The following PKIA variants were observed in gnomAD, a reference collection of about 807,000 sequenced individuals.
The protein encoded by PKIA is PKI-alpha.
PKIA carries 4 observed loss-of-function variants against 7.6 expected under a neutral mutation model. The observed-to-expected ratio is 0.52, with a 90% CI of 0.26 to 1.20. The LOEUF is 1.20. PKIA is among the 50% of genes most tolerant of loss of function. PKIA has a pLI of 0.13. For synonymous variants in PKIA, 21 were observed against 30.7 expected (o/e 0.68, Z 1.04); for missense variants, 73 against 86.2 (o/e 0.85, Z 0.61).
intron 1 of PKIA, among the ~76,000 whole-genome samples, chr8:78,522,659 AT>A (rs979688047): frequency 6.6e-6 from 1 of 151,880 alleles, no homozygotes; most frequent in Non-Finnish European, 1.5e-5. Flanking sequence ...TCAATCATGC[AT>A]TTTTTTATCA....
At chr8:78,534,878 G>A (rs969313522) in intron 1 of PKIA, 2 of 152,122 alleles carry the variant, frequency 1.3e-5, no homozygotes, top group African/African-American at 4.8e-5. Context: ...AGAAGTTAGT[G>A]AGCAGTTCAT....
intron 2 of PKIA, among the ~76,000 whole-genome samples, chr8:78,593,995 T>C (rs557410731): frequency 6.6e-6 from 1 of 152,236 alleles, no homozygotes; most frequent in Non-Finnish European, 1.5e-5. Flanking sequence ...CTATTTAACA[T>C]ATTCTTATTT....
intron 2 of PKIA, among the ~76,000 whole-genome samples, chr8:78,576,229 C>A (rs1047073771): frequency 2.9e-4 from 44 of 152,070 alleles, no homozygotes; most frequent in African/African-American, 9.9e-4. Flanking sequence ...CCCTAATTAC[C>A]AATAGGTTGA....
intron 3 of PKIA, among the ~76,000 whole-genome samples, chr8:78,599,705 A>C (rs1231142999): frequency 6.6e-6 from 1 of 152,054 alleles, no homozygotes; most frequent in African/African-American, 2.4e-5. Flanking sequence ...GAATTATTCC[A>C]ATTTCATAAC....
intron 1 of PKIA, among the ~76,000 whole-genome samples, chr8:78,566,542 C>A (rs1807418110): frequency 6.6e-6 from 1 of 152,008 alleles, no homozygotes. Context: ...TCATTGGCAA[C>A]CACGAGTGCC....
chr8:78,600,762 A>G (rs1808333153), intron 3 of PKIA, among the ~76,000 whole-genome samples: 1 of 152,028 alleles, frequency 6.6e-6, no homozygotes, highest in African/African-American at 2.4e-5. Context: ...TAATTTCCCT[A>G]AAGATTTAAT....
At chr8:78,553,344 G>C (rs1807035252) in intron 1 of PKIA, among the ~76,000 whole-genome samples, 1 of 151,874 alleles carries the variant, frequency 6.6e-6, no homozygotes, top group Admixed American at 6.6e-5. Context: ...TCCTATTTCT[G>C]GCTTTATCAA....
intron 1 of PKIA, among the ~76,000 whole-genome samples, chr8:78,530,267 A>G (rs1034380135): frequency 2.0e-5 from 3 of 152,042 alleles, no homozygotes; most frequent in Admixed American, 1.3e-4. Flanking sequence ...CTTAATCAGT[A>G]TACACAATTA....
chr8:78,593,603 A>C (rs182853288), intron 2 of PKIA, among the ~76,000 whole-genome samples: 1 of 152,334 alleles, frequency 6.6e-6, no homozygotes, highest in African/African-American at 2.4e-5. Flanking sequence ...TGTGTTGGTT[A>C]ATGGTAATGC....
chr8:78,524,890 A>G (rs182007165), intron 1 of PKIA, among the ~76,000 whole-genome samples: 19 of 152,110 alleles, frequency 1.2e-4, no homozygotes, highest in South Asian at 6.2e-4. Context: ...GGAGATTACA[A>G]AACATTAGTT....
chr8:78,563,305 A>T (rs1233565309), intron 1 of PKIA, among the ~76,000 whole-genome samples: 1 of 152,124 alleles, frequency 6.6e-6, no homozygotes, highest in Non-Finnish European at 1.5e-5. Flanking sequence ...CACATTAATA[A>T]AGCTCTTAGA....
At position 78,602,546 on chromosome 8, in the gene PKIA, A is replaced by T. The variant is rs2130300320; in HGVS notation, c.*725A>T. 6.6e-6 allele frequency: 1 copy of T among 152,402 alleles called. No homozygotes were observed. Among genetic ancestry groups the T allele is most frequent in the Middle Eastern group, 3.4e-3 (1 of 294 alleles). 9.4% of individuals were successfully genotyped at this position (152,402 alleles called of 1,614,324 possible). A position where few individuals can be genotyped will look rare whatever the true frequency, so the allele number is the denominator to read the frequency against. On this transcript the variant is annotated 3_prime_UTR_variant, in exon 4 of 4. Transcript: ENST00000396418. ...TGAGTTGATTAAGTCTAACAGATTC[A>T]TCAAGACTCCATTGCTTTATTATAG...
chr8:78,516,673 G>GA (rs953014613), intron 1 of PKIA, among the ~76,000 whole-genome samples: 7 of 152,334 alleles, frequency 4.6e-5, no homozygotes, highest in African/African-American at 1.7e-4. Flanking sequence ...CAAAGAAGGC[G>GA]TTCTTGCCTC....
chr8:78,538,651 G>A (rs890540876), intron 1 of PKIA, among the ~76,000 whole-genome samples: 1 of 151,896 alleles, frequency 6.6e-6, no homozygotes, highest in Non-Finnish European at 1.5e-5. Context: ...TACCTCATCT[G>A]GCAGCTCTTG....
intron 2 of PKIA, among the ~76,000 whole-genome samples, chr8:78,592,159 A>G (rs977150344): frequency 5.3e-5 from 8 of 152,094 alleles, no homozygotes; most frequent in South Asian, 2.1e-4. Flanking sequence ...AAAAATATCT[A>G]TTTTTGAGCA....
At chr8:78,584,221 T>C (rs1173240407) in intron 2 of PKIA, among the ~76,000 whole-genome samples, 1 of 152,060 alleles carries the variant, frequency 6.6e-6, no homozygotes, top group South Asian at 2.1e-4. Context: ...CAATCAAATA[T>C]AGCTCTCAGT....
At chr8:78,574,843 G>A (rs1807636270) in intron 2 of PKIA, among the ~76,000 whole-genome samples, 1 of 151,864 alleles carries the variant, frequency 6.6e-6, no homozygotes, top group Non-Finnish European at 1.5e-5. Flanking sequence ...AACAGGAGAT[G>A]TAGCTATCAT....
intron 2 of PKIA, among the ~76,000 whole-genome samples, chr8:78,595,070 T>C (rs975140588): frequency 2.0e-5 from 3 of 152,202 alleles, no homozygotes; most frequent in Non-Finnish European, 2.9e-5. Context: ...GTTGAGCCAA[T>C]TGGCACAATT....
At chr8:78,595,378 A>T (rs1353396613) in intron 2 of PKIA, among the ~76,000 whole-genome samples, 1 of 152,118 alleles carries the variant, frequency 6.6e-6, no homozygotes, top group Non-Finnish European at 1.5e-5. Flanking sequence ...GAGGGGAGAG[A>T]ATTTCCAGAT....
Sources: gnomAD v4.1 joint callset for allele counts (sites outside exome capture counted in the v4.1 genomes callset) on GRCh38, gnomAD v4.1.1 for gene constraint, MANE v1.5 for transcripts, NCBI Gene and HGNC (gene_info 2026-07-23, HGNC 2026-07-21) for gene names.